Variants in TERT observed in about 807,000 individuals in gnomAD.
TERT encodes telomerase reverse transcriptase, also known as telomerase catalytic subunit.
TERT carries 42 observed loss-of-function variants against 104.0 expected under a neutral mutation model. The ratio of observed to expected loss-of-function variants is 0.40; its 90% CI spans 0.32 to 0.52. The LOEUF (loss-of-function observed/expected upper bound fraction) is 0.52, where lower values mean the gene tolerates loss of function less well. TERT is among the 20% of genes least tolerant of loss of function. TERT has a pLI of 0.43. For synonymous variants in TERT, 781 were observed against 725.6 expected (o/e 1.08, Z -1.23); for missense variants, 1,101 against 1,610.3 (o/e 0.68, Z 5.41).
At chr5:1,273,533 C>T (rs867699054) in intron 6 of TERT, among the ~76,000 whole-genome samples, 1 of 5,002 alleles carries the variant, frequency 2.0e-4, no homozygotes. Context: ...CATCAGACCC[C>T]ACGACCGCCA....
Position 1,293,326 on chromosome 5 carries a change from C to T in TERT, c.1560G>A (p.Leu520=), listed in dbSNP as rs753991999. ...WKMSVRDCAW[L]RRSPGVGCVP... is the part of the protein sequence containing the mutation. ...CCACCTCCTCACCTGGGCTCCTGCG[C>T]AGCCAAGCGCAGTCCCGCACGCTCA... The change falls in exon 2 of 16, where the codon CTG becomes CTA. Residue 520 remains leucine, a synonymous_variant. Coordinates refer to ENST00000310581, the MANE Select transcript of TERT (RefSeq NM_198253.3). 3.1e-6 allele frequency: 5 copies of T among 1,612,960 alleles called. No homozygotes were observed. In the Admixed American group the frequency reaches 8.3e-5, roughly 27 times the overall value.
At chr5:1,259,254 C>T (rs1368196275) in intron 12 of TERT, among the ~76,000 whole-genome samples, 2 of 130,732 alleles carry the variant, frequency 1.5e-5, no homozygotes, top group Admixed American at 1.6e-4. Flanking sequence ...GGAGTGGATG[C>T]AGATGCCCAC....
At position 1,265,874 on chromosome 5, in the gene TERT, G is replaced by C. The variant is rs1006719667; in HGVS notation, c.2654+590C>G. On this transcript the variant is annotated intron_variant, in intron 10 of 15. Coordinates refer to ENST00000310581, the MANE Select transcript of TERT (RefSeq NM_198253.3). This position sits in a 1 kb window ranked among gnomAD's most constrained non-coding sequence, Gnocchi z 6.9. ...ACATTGGACAATCCCCTGTGCTGAGGCCAGGTCCCCTGTGCCTGATTTTAG... is the reference window on the plus strand; with the variant it reads ...ACATTGGACAATCCCCTGTGCTGAGCCCAGGTCCCCTGTGCCTGATTTTAG... Among the ~76,000 whole-genome samples, 1 of 152,186 alleles carries C rather than the reference G, an allele frequency of 6.6e-6. No individual in the cohort carries two copies. Among genetic ancestry groups the C allele is most frequent in the Non-Finnish European group, 1.5e-5 (1 of 68,026 alleles).
At chr5:1,273,139 C>T (rs1295973166) in intron 6 of TERT, among the ~76,000 whole-genome samples, 12 of 29,324 alleles carry the variant, frequency 4.1e-4, no homozygotes, top group Non-Finnish European at 4.6e-4. Context: ...ACCCCACGAC[C>T]GCCATCCACA....
chr5:1,264,037 A>G (rs2853685), intron 11 of TERT, among the ~76,000 whole-genome samples: 40,811 of 142,266 alleles, frequency 0.29, 5,857 homozygotes, highest in African/African-American at 0.45. Context: ...TCTCGGGTTC[A>G]GAGGGACTCA....
Position 1,280,018 on chromosome 5 carries a change from G to C in TERT, c.1950+140C>G, listed in dbSNP as rs577260231. 9 of 1,142,926 alleles carry C rather than the reference G, an allele frequency of 7.9e-6. No homozygotes were observed. In the Middle Eastern group the frequency reaches 1.3e-3, roughly 166 times the overall value. The allele number at this position is 1,142,926 out of a possible 1,614,324, so 70.8% of individuals were successfully genotyped here. On this transcript the variant is annotated intron_variant, in intron 4 of 15. Coordinates refer to ENST00000310581, the MANE Select transcript of TERT (RefSeq NM_198253.3). ...CGGCACCTCGGCCACCTCACTGTGCGCACAAATGGGTTGGCGCCGTGCCAT... is the reference window on the plus strand; with the variant it reads ...CGGCACCTCGGCCACCTCACTGTGCCCACAAATGGGTTGGCGCCGTGCCAT...
In TERT at chr5:1,287,370, C is replaced by A. The variant is rs1373516642; in HGVS notation, c.1574-4746G>T. On this transcript the variant is annotated intron_variant, in intron 2 of 15. Transcript: ENST00000310581. This position sits in a 1 kb window ranked among gnomAD's most constrained non-coding sequence, Gnocchi z 4.3. ...TAAAAATTAGCCAGGTGTAGCGGTGCGTGTCTGCAGTTCCAGCTATTCAGG... is the reference window on the plus strand; with the variant it reads ...TAAAAATTAGCCAGGTGTAGCGGTGAGTGTCTGCAGTTCCAGCTATTCAGG... Among the ~76,000 whole-genome samples the A allele has an allele frequency of 6.6e-6, 1 of 151,682 alleles. No individual in the cohort carries two copies. The highest frequency in any genetic ancestry group is 1.9e-4 in the East Asian group (1 of 5,188).
Position 1,265,590 on chromosome 5 carries a change from T to A in TERT, c.2654+874A>T, listed in dbSNP as rs1308994960. Among the ~76,000 whole-genome samples the A allele has an allele frequency of 6.6e-6, 1 of 152,056 alleles. No homozygotes were observed. Among genetic ancestry groups the A allele is most frequent in the Non-Finnish European group, 1.5e-5 (1 of 68,016 alleles). On this transcript the variant is annotated intron_variant, in intron 10 of 15. Coordinates refer to ENST00000310581, the MANE Select transcript of TERT (RefSeq NM_198253.3). This position sits in a 1 kb window ranked among gnomAD's most constrained non-coding sequence, Gnocchi z 6.9. ...GTGGATTTAAATGTGCACAGCCTGC[T>A]GTGCTCCGGGCTGCGGCACAAGGAA...
chr5:1,272,110 A>T (rs1579564664), intron 7 of TERT, 75 bp downstream of exon 7: 1 of 1,226,362 alleles, frequency 8.2e-7, no homozygotes, highest in African/African-American at 1.5e-5. Context: ...CTGTCCGGTC[A>T]TGAGCCCAGT....
chr5:1,289,619 C>A (rs1750738776), intron 2 of TERT, among the ~76,000 whole-genome samples: 1 of 117,524 alleles, frequency 8.5e-6, no homozygotes, highest in Non-Finnish European at 1.7e-5. Context: ...GTGACAGGGA[C>A]ACGCGGGGAC....
chr5:1,269,980 C>T lies in TERT; in HGVS notation c.2468+1139G>A, dbSNP rs376388084. On this transcript the variant is annotated intron_variant, in intron 8 of 15. Transcript: ENST00000310581. This position sits in a 1 kb window ranked among gnomAD's most constrained non-coding sequence, Gnocchi z 9.0. ...TCACATTCCCCAAAGCCCTGCCACA[C>T]GTGGACGGTACGTGACTTGATCCAT... Among the ~76,000 whole-genome samples, 19 of 152,252 alleles carry T rather than the reference C, an allele frequency of 1.2e-4. No individual in the cohort carries two copies. The highest frequency in any genetic ancestry group is 3.8e-4 in the African/African-American group (16 of 41,560).
chr5:1,260,322 A>G (rs542114378), intron 12 of TERT, 152 bp downstream of exon 12: 11 of 1,253,492 alleles, frequency 8.8e-6, no homozygotes, highest in Admixed American at 5.2e-5. Context: ...ACATGCACAC[A>G]TGTATGTGCT....
chr5:1,290,742 C>T (rs1339632765), intron 2 of TERT, among the ~76,000 whole-genome samples: 3 of 72,386 alleles, frequency 4.1e-5, no homozygotes, highest in Admixed American at 1.4e-4. Context: ...TCACCCTGCA[C>T]GTGACAGGGA....
intron 6 of TERT, among the ~76,000 whole-genome samples, chr5:1,277,298 G>A (rs1179889114): frequency 3.9e-5 from 6 of 152,230 alleles, no homozygotes; most frequent in African/African-American, 1.2e-4. Context: ...TTCACCCAGA[G>A]GCGAGGGCCT....
Position 1,260,658 on chromosome 5 carries a change from T to C in TERT, c.2844-58A>G. The C allele has an allele frequency of 2.5e-6, 4 of 1,606,794 alleles. No homozygotes were observed. In the East Asian group the frequency reaches 9.0e-5, roughly 36 times the overall value. On this transcript the variant is annotated intron_variant, in intron 11 of 15. Transcript: ENST00000310581. ...GCCTGCCCCACACCCAGCCCCCTCC[T>C]GCAAAGCTTGCTCCAAAGAGCCTCC...
chr5:1,268,018 C>A lies in TERT; in HGVS notation c.2582+502G>T. On this transcript the variant is annotated intron_variant, in intron 9 of 15. Transcript: ENST00000310581. The surrounding 1 kb of genome is among the most constrained non-coding windows in gnomAD (Gnocchi z 5.5). ...AGTAACTGCTGTCAATAAAAGCCAG[C>A]TGAGTTGAACCACATTAGGTTGGCA... Among the ~76,000 whole-genome samples, 1 of 152,130 alleles carries A rather than the reference C, an allele frequency of 6.6e-6. No homozygotes were observed. The highest frequency in any genetic ancestry group is 1.5e-5 in the Non-Finnish European group (1 of 68,014).
At chr5:1,279,731 CGCAGCCACA>C (rs1232105583) in intron 4 of TERT, among the ~76,000 whole-genome samples, 2 of 152,210 alleles carry the variant, frequency 1.3e-5, no homozygotes, top group African/African-American at 4.8e-5. Flanking sequence ...CCGCAGCCAC[CGCAGCCACA>C]GGGGTGGGGT....
intron 7 of TERT, 67 bp from the exon 8 acceptor site, chr5:1,271,271 G>A: frequency 1.7e-6 from 2 of 1,155,522 alleles, no homozygotes; most frequent in Non-Finnish European, 2.6e-6. Context: ...GGACCACGTG[G>A]CCAAGACCCT....
In TERT at chr5:1,255,562, G is replaced by T; in HGVS notation, c.3033-151C>A. 1.1e-6 allele frequency: 1 copy of T among 945,042 alleles called. No individual in the cohort carries two copies. The highest frequency in any genetic ancestry group is 1.7e-6 in the Non-Finnish European group (1 of 601,160). 58.5% of individuals were successfully genotyped at this position (945,042 alleles called of 1,614,324 possible). On this transcript the variant is annotated intron_variant, in intron 13 of 15. Coordinates refer to ENST00000310581, the MANE Select transcript of TERT (RefSeq NM_198253.3). The surrounding 1 kb of genome is among the most constrained non-coding windows in gnomAD (Gnocchi z 6.9). ...CACAGGTGCACACACACGGATGCAT[G>T]CATGCATGTCTGTGTGTGTGCTTGT...
Sources: allele counts gnomAD v4.1 joint callset (sites outside exome capture counted in the v4.1 genomes callset), GRCh38; gene constraint gnomAD v4.1.1; non-coding constraint Gnocchi (gnomAD v3.1); transcripts MANE v1.5; gene names NCBI Gene and HGNC (gene_info 2026-07-23, HGNC 2026-07-21).